C12orf75: variants seen among roughly 807,000 people sequenced by gnomAD.
The protein encoded by C12orf75 is overexpressed in colon carcinoma 1 protein.
Under a neutral mutation model 11.4 loss-of-function variants are expected in C12orf75, and 4 were observed. The ratio of observed to expected loss-of-function variants is 0.35; its 90% CI spans 0.17 to 0.80. The LOEUF (loss-of-function observed/expected upper bound fraction) is 0.80, where lower values mean the gene tolerates loss of function less well. Ranked by LOEUF, C12orf75 falls within the 30% of genes least tolerant of loss-of-function variation. The pLI is 0.52. For synonymous variants in C12orf75, 30 were observed against 30.0 expected (o/e 1.00, Z 0.00); for missense variants, 89 against 80.4 (o/e 1.11, Z -0.41).
intron 1 of C12orf75, among the ~76,000 whole-genome samples, chr12:105,332,735 TAAAAAAA>T (rs34772007): frequency 7.2e-6 from 1 of 138,982 alleles, no homozygotes; most frequent in Non-Finnish European, 1.5e-5. Flanking sequence ...CCGCTCCATC[TAAAAAAA>T]AAAAAAAAGA....
intron 2 of C12orf75, among the ~76,000 whole-genome samples, chr12:105,353,229 T>C (rs1034800425): frequency 6.6e-6 from 1 of 152,244 alleles, no homozygotes; most frequent in African/African-American, 2.4e-5. Flanking sequence ...AGAAATTCTC[T>C]TCTCTGCTTT....
chr12:105,348,493 A>T, intron 1 of C12orf75, 109 bp from the exon 2 acceptor site: 1 of 617,310 alleles, frequency 1.6e-6, no homozygotes. Flanking sequence ...AAATTTTTTT[A>T]AACCCATTTT....
At chr12:105,343,257 CTT>C (rs924744311) in intron 1 of C12orf75, among the ~76,000 whole-genome samples, 6 of 151,942 alleles carry the variant, frequency 3.9e-5, no homozygotes, top group Admixed American at 1.3e-4. Flanking sequence ...ACATTGTTAC[CTT>C]TTTTTCATTT....
At chr12:105,363,243 G>C (rs972033520) in intron 2 of C12orf75, among the ~76,000 whole-genome samples, 5 of 152,250 alleles carry the variant, frequency 3.3e-5, no homozygotes, top group Middle Eastern at 3.2e-3. Flanking sequence ...ATGGATGCAC[G>C]TGCAGTGTCC....
At chr12:105,345,659 C>CTTTTCTTTTTT (rs1892630396) in intron 1 of C12orf75, among the ~76,000 whole-genome samples, 1 of 73,520 alleles carries the variant, frequency 1.4e-5, no homozygotes, top group Non-Finnish European at 2.3e-5. Flanking sequence ...AGTGTCTGGC[C>CTTTTCTTTTTT]TTTTTTTTTT....
chr12:105,361,002 C>G (rs1471149407), intron 2 of C12orf75, among the ~76,000 whole-genome samples: 1 of 152,160 alleles, frequency 6.6e-6, no homozygotes, highest in East Asian at 1.9e-4. Flanking sequence ...TCTCGAACTC[C>G]TGACCTCAGG....
intron 2 of C12orf75, among the ~76,000 whole-genome samples, chr12:105,361,534 A>C (rs754070630): frequency 8.5e-5 from 13 of 152,214 alleles, no homozygotes; most frequent in South Asian, 6.2e-4. Flanking sequence ...TCCCCCCACC[A>C]GAAGGTGTGC....
At chr12:105,345,825 A>T (rs1442932000) in intron 1 of C12orf75, among the ~76,000 whole-genome samples, 4 of 148,966 alleles carry the variant, frequency 2.7e-5, no homozygotes, top group Non-Finnish European at 5.9e-5. Context: ...CACCTGGCTA[A>T]TTTTTGTATT....
intron 2 of C12orf75, among the ~76,000 whole-genome samples, chr12:105,355,702 A>G (rs935782495): frequency 2.0e-5 from 3 of 152,208 alleles, no homozygotes; most frequent in Non-Finnish European, 4.4e-5. Flanking sequence ...AACAAGATGC[A>G]TATTCTTGAG....
chr12:105,337,253 G>A (rs1191803281), intron 1 of C12orf75, among the ~76,000 whole-genome samples: 1 of 152,124 alleles, frequency 6.6e-6, no homozygotes, highest in Non-Finnish European at 1.5e-5. Context: ...GAACCCAGGA[G>A]GGTTGCAAGT....
At chr12:105,352,942 C>T (rs960581284) in intron 2 of C12orf75, among the ~76,000 whole-genome samples, 2 of 152,204 alleles carry the variant, frequency 1.3e-5, no homozygotes, top group African/African-American at 4.8e-5. Context: ...CAGTAACACA[C>T]TGAACAAAAC....
At chr12:105,362,814 G>A (rs921332567) in intron 2 of C12orf75, among the ~76,000 whole-genome samples, 2 of 152,280 alleles carry the variant, frequency 1.3e-5, no homozygotes, top group African/African-American at 2.4e-5. Flanking sequence ...ATTTAGCTTC[G>A]TAAGTTCGGT....
chr12:105,359,905 T>G (rs1276138423), intron 2 of C12orf75, among the ~76,000 whole-genome samples: 1 of 152,198 alleles, frequency 6.6e-6, no homozygotes, highest in Non-Finnish European at 1.5e-5. Context: ...TTGGACCAAT[T>G]AACTCCCAAA....
rs1892692514 is a variant in C12orf75, at chr12:105,350,141, A to C, written c.71+1515A>C. On this transcript the variant is annotated intron_variant, in intron 2 of 5. Coordinates refer to ENST00000443585, the MANE Select transcript of C12orf75 (RefSeq NM_001145199.2). ...ATTGCAATATTTTGGTTTCTCCTTC[A>C]GTCTCTCCCTTCAATTTCTATATGT... Among the ~76,000 whole-genome samples, 3 of 152,274 alleles carry C rather than the reference A, an allele frequency of 2.0e-5. No individual in the cohort carries two copies. The South Asian group carries it at 6.2e-4, about 32-fold the overall frequency.
intron 1 of C12orf75, among the ~76,000 whole-genome samples, chr12:105,345,612 C>A (rs916807373): frequency 6.8e-6 from 1 of 146,792 alleles, no homozygotes; most frequent in Admixed American, 6.9e-5. Flanking sequence ...TAGATAAATT[C>A]TCTTCCTTTT....
intron 1 of C12orf75, among the ~76,000 whole-genome samples, chr12:105,345,784 A>G (rs1321804482): frequency 1.4e-5 from 2 of 145,346 alleles, no homozygotes; most frequent in East Asian, 4.3e-4. Flanking sequence ...TCAGCCTCCC[A>G]AGTAGCTGGG....
At chr12:105,360,369 C>T (rs1566141612) in intron 2 of C12orf75, among the ~76,000 whole-genome samples, 1 of 152,220 alleles carries the variant, frequency 6.6e-6, no homozygotes, top group Non-Finnish European at 1.5e-5. Context: ...AGTGGCTCAT[C>T]CAGGAGCTTA....
intron 2 of C12orf75, among the ~76,000 whole-genome samples, chr12:105,361,284 A>G (rs1197008716): frequency 6.6e-6 from 1 of 152,126 alleles, no homozygotes; most frequent in Non-Finnish European, 1.5e-5. Context: ...AATCTTTCAA[A>G]ATAAAGAGTT....
intron 3 of C12orf75, chr12:105,366,350 C>T (rs1871472213): frequency 3.0e-6 from 1 of 332,644 alleles, no homozygotes; most frequent in Non-Finnish European, 5.4e-6. Context: ...ATTGTAACAT[C>T]CCAAAGTCTT....
Sources: allele counts gnomAD v4.1 joint callset (sites outside exome capture counted in the v4.1 genomes callset), GRCh38; gene constraint gnomAD v4.1.1; transcripts MANE v1.5; gene names NCBI Gene and HGNC (gene_info 2026-07-23, HGNC 2026-07-21).